DPP10: variants seen among roughly 807,000 people sequenced by gnomAD.
DPP10 encodes dipeptidyl peptidase like 10, also known as inactive dipeptidyl peptidase 10.
In DPP10, 33 loss-of-function variants were observed where a neutral mutation model predicts 120.9. The observed-to-expected ratio is 0.27, with a 90% CI of 0.21 to 0.37. DPP10 has a LOEUF of 0.37. Ranked by LOEUF, DPP10 falls within the 10% of genes least tolerant of loss-of-function variation. The pLI is 1.00. For missense variants in DPP10, 816 were observed against 942.8 expected (o/e 0.87, Z 1.76); for synonymous variants, 337 against 326.1 (o/e 1.03, Z -0.36).
At chr2:114,976,802 A>G (rs922414335) in intron 1 of DPP10, among the ~76,000 whole-genome samples, 1 of 152,200 alleles carries the variant, frequency 6.6e-6, no homozygotes. Context: ...TGCAGGTTCA[A>G]TGATCTCTCA....
At chr2:115,351,496 C>A (rs150171370) in intron 3 of DPP10, among the ~76,000 whole-genome samples, 144 of 151,850 alleles carry the variant, frequency 9.5e-4, no homozygotes, top group Non-Finnish European at 1.9e-3. Context: ...TGTAACAAAT[C>A]CACACATATA....
At chr2:115,683,271 A>G (rs181639688) in intron 5 of DPP10, among the ~76,000 whole-genome samples, 143 of 152,070 alleles carry the variant, frequency 9.4e-4, no homozygotes, top group Non-Finnish European at 1.5e-3. Flanking sequence ...GATTCCAACT[A>G]TATGGCATTC....
intron 1 of DPP10, among the ~76,000 whole-genome samples, chr2:114,765,591 AC>A (rs1485868038): frequency 6.6e-6 from 1 of 152,204 alleles, no homozygotes; most frequent in African/African-American, 2.4e-5. Flanking sequence ...ATTATAAGTA[AC>A]ATGCATTGTA....
rs112570265 is a variant in DPP10, at chr2:115,186,705, A to C, written c.61-122534A>C. On this transcript the variant is annotated intron_variant, in intron 1 of 25. Transcript: ENST00000410059. Reference sequence around the variant, plus strand: ...AGCAATTTATGTGACTATCATATACAGTTCTAGGAGGTGGTGTGTGATGAG... The same window carrying C: ...AGCAATTTATGTGACTATCATATACCGTTCTAGGAGGTGGTGTGTGATGAG... Among the ~76,000 whole-genome samples, 770 of 152,326 alleles carry C rather than the reference A, an allele frequency of 5.1e-3. 5 individuals are homozygous for C. Among genetic ancestry groups the C allele is most frequent in the African/African-American group, 0.017 (706 of 41,584 alleles).
intron 8 of DPP10, among the ~76,000 whole-genome samples, chr2:115,734,684 A>G (rs2092992684): frequency 8.2e-6 from 1 of 122,556 alleles, no homozygotes; most frequent in African/African-American, 3.2e-5. Flanking sequence ...AAAAAAAAAG[A>G]ACTTAGAGTT....
chr2:114,753,263 C>G (rs1679399289), intron 1 of DPP10, among the ~76,000 whole-genome samples: 1 of 152,174 alleles, frequency 6.6e-6, no homozygotes, highest in African/African-American at 2.4e-5. Flanking sequence ...CCCAAAGAAA[C>G]TAATGTCCAA....
chr2:114,783,748 T>C (rs1016002636), intron 1 of DPP10, among the ~76,000 whole-genome samples: 1 of 151,868 alleles, frequency 6.6e-6, no homozygotes, highest in African/African-American at 2.4e-5. Context: ...GTGGGAGGAT[T>C]GCTTGAGCCC....
intron 1 of DPP10, among the ~76,000 whole-genome samples, chr2:114,813,322 C>T (rs541422075): frequency 6.6e-6 from 1 of 152,192 alleles, no homozygotes; most frequent in Non-Finnish European, 1.5e-5. Flanking sequence ...CTAAGAGGAC[C>T]ACAAATTATA....
At chr2:115,390,622 T>C (rs1055460699) in intron 3 of DPP10, among the ~76,000 whole-genome samples, 1 of 152,160 alleles carries the variant, frequency 6.6e-6, no homozygotes, top group African/African-American at 2.4e-5. Flanking sequence ...AAGTTTAACG[T>C]TGAGAGAGAA....
chr2:114,839,499 G>GA (rs895546336), intron 1 of DPP10, among the ~76,000 whole-genome samples: 2 of 152,070 alleles, frequency 1.3e-5, no homozygotes, highest in Non-Finnish European at 2.9e-5. Flanking sequence ...CCTATTGGGA[G>GA]AAAAAAATAG....
chr2:115,559,733 C>G (rs2080447908), intron 5 of DPP10, among the ~76,000 whole-genome samples: 1 of 152,142 alleles, frequency 6.6e-6, no homozygotes, highest in Admixed American at 6.5e-5. Context: ...AACTTTACAG[C>G]CAAAGTACCC....
intron 1 of DPP10, among the ~76,000 whole-genome samples, chr2:114,989,031 A>T (rs1700599714): frequency 6.6e-6 from 1 of 152,342 alleles, no homozygotes; most frequent in Admixed American, 6.5e-5. Flanking sequence ...ACAAACAACC[A>T]TATATCATAA....
chr2:115,173,699 A>G (rs1472036065), intron 1 of DPP10, among the ~76,000 whole-genome samples: 1 of 152,180 alleles, frequency 6.6e-6, no homozygotes, highest in South Asian at 2.1e-4. Context: ...AATTATTAGT[A>G]ACATGCACTG....
intron 1 of DPP10, among the ~76,000 whole-genome samples, chr2:114,859,165 TA>T (rs71394112): frequency 3.4e-4 from 48 of 141,444 alleles, no homozygotes; most frequent in South Asian, 6.7e-4. Flanking sequence ...TGTCTCTACT[TA>T]AAAAAAAAAA....
At chr2:115,168,876 T>C (rs1173276576) in intron 1 of DPP10, among the ~76,000 whole-genome samples, 1 of 152,172 alleles carries the variant, frequency 6.6e-6, no homozygotes, top group Non-Finnish European at 1.5e-5. Context: ...CCAGGCTAAA[T>C]ACAGAAAACT....
chr2:114,631,990 T>C (rs897291631), intron 1 of DPP10, among the ~76,000 whole-genome samples: 13 of 152,218 alleles, frequency 8.5e-5, no homozygotes, highest in Non-Finnish European at 1.9e-4. Flanking sequence ...ATCCAGGATA[T>C]TCTTTTTATA....
intron 10 of DPP10, 64 bp downstream of exon 10, chr2:115,746,247 T>TG: frequency 1.4e-6 from 2 of 1,396,008 alleles, no homozygotes; most frequent in Non-Finnish European, 2.0e-6. Context: ...ATCATTTTGT[T>TG]GCAATTTAGA....
At position 114,793,774 on chromosome 2, in the gene DPP10, A is replaced by T. The variant is rs543224173; in HGVS notation, c.60+350936A>T. Among the ~76,000 whole-genome samples, 21 of 152,242 alleles carry T rather than the reference A, an allele frequency of 1.4e-4. 1 individual carries two copies. In the South Asian group the frequency reaches 4.1e-3, roughly 30 times the overall value. ...ATGCATGCGGAGACTTCCTCTATCC[A>T]TTTCTTATACCATGTTGACCCCCTC... is the stretch of plus-strand genomic sequence containing the variant. On this transcript the variant is annotated intron_variant, in intron 1 of 25. Transcript: ENST00000410059.
At chr2:115,073,686 C>T (rs1418086446) in intron 1 of DPP10, among the ~76,000 whole-genome samples, 2 of 152,204 alleles carry the variant, frequency 1.3e-5, no homozygotes. Flanking sequence ...TACTGAGATA[C>T]TTAGGTAAAT....
Sources: allele counts gnomAD v4.1 joint callset (sites outside exome capture counted in the v4.1 genomes callset), GRCh38; gene constraint gnomAD v4.1.1; transcripts MANE v1.5; gene names NCBI Gene and HGNC (gene_info 2026-07-23, HGNC 2026-07-21).